Variants in UST observed in about 807,000 individuals in gnomAD.
UST encodes the protein uronyl 2-sulfotransferase.
UST carries 21 observed loss-of-function variants against 45.6 expected under a neutral mutation model. The observed-to-expected ratio is 0.46, with a 90% CI of 0.33 to 0.66. The LOEUF (loss-of-function observed/expected upper bound fraction) is 0.66. UST is among the 30% of genes least tolerant of loss of function. The pLI is 0.02. For missense variants in UST, 463 were observed against 512.4 expected (o/e 0.90, Z 0.93); for synonymous variants, 215 against 200.6 (o/e 1.07, Z -0.61).
intron 7 of UST, among the ~76,000 whole-genome samples, chr6:149,033,730 T>C (rs1776190069): frequency 6.6e-6 from 1 of 152,248 alleles, no homozygotes; most frequent in African/African-American, 2.4e-5. Context: ...ATGCTTCTGC[T>C]GCATTGTCAA....
Position 148,747,749 on chromosome 6 carries a change from G to A in UST, c.247+72G>A. On this transcript the variant is annotated intron_variant, in intron 1 of 7. Transcript: ENST00000367463. Reference sequence around the variant, plus strand: ...TGTGCGGCGGGGAGAGGGTCGCGGCGGGGACTTCTCGCGCTGCCACCGCGC... The same window carrying A: ...TGTGCGGCGGGGAGAGGGTCGCGGCAGGGACTTCTCGCGCTGCCACCGCGC... 2.0e-6 allele frequency: 3 copies of A among 1,464,738 alleles called. No individual in the cohort carries two copies. In the South Asian group the frequency reaches 4.2e-5, roughly 21 times the overall value. 90.7% of individuals were successfully genotyped at this position (1,464,738 alleles called of 1,614,324 possible). A position where few individuals can be genotyped will look rare whatever the true frequency, so the allele number is the denominator to read the frequency against.
chr6:148,973,186 T>C (rs1401714349), intron 5 of UST, among the ~76,000 whole-genome samples: 5 of 152,164 alleles, frequency 3.3e-5, no homozygotes, highest in Non-Finnish European at 7.3e-5. Flanking sequence ...TTTATGAATA[T>C]TCTATAAATG....
At chr6:148,917,910 G>T (rs7749087) in intron 2 of UST, among the ~76,000 whole-genome samples, 4,973 of 152,292 alleles carry the variant, frequency 0.033, 282 homozygotes, top group African/African-American at 0.11. Context: ...AGAAATGACC[G>T]AAGCAGCATT....
intron 1 of UST, among the ~76,000 whole-genome samples, chr6:148,881,672 T>A (rs1778824889): frequency 6.6e-6 from 1 of 152,128 alleles, no homozygotes; most frequent in Non-Finnish European, 1.5e-5. Context: ...CTCAAAGGCC[T>A]GGAGAGTTTG....
intron 1 of UST, among the ~76,000 whole-genome samples, chr6:148,821,341 A>T (rs965224114): frequency 6.6e-6 from 1 of 151,902 alleles, no homozygotes; most frequent in African/African-American, 2.4e-5. Flanking sequence ...GTAGTGTTGG[A>T]TGTTTCCTCA....
At chr6:148,991,902 A>G (rs1201512508) in intron 5 of UST, among the ~76,000 whole-genome samples, 1 of 152,226 alleles carries the variant, frequency 6.6e-6, no homozygotes, top group Non-Finnish European at 1.5e-5. Context: ...CAAACTTCCC[A>G]TACTTCTTCA....
chr6:148,972,010 G>A (rs1780927646), intron 5 of UST, among the ~76,000 whole-genome samples: 1 of 152,214 alleles, frequency 6.6e-6, no homozygotes, highest in Non-Finnish European at 1.5e-5. Context: ...GCAGCTCCAG[G>A]TGGGGTCAGG....
chr6:149,072,740 A>G (rs1292399172), intron 7 of UST, among the ~76,000 whole-genome samples: 1 of 152,186 alleles, frequency 6.6e-6, no homozygotes, highest in Non-Finnish European at 1.5e-5. Flanking sequence ...AAGCTAGACA[A>G]AAAAAGGACA....
chr6:148,889,551 C>G (rs1165346117), intron 2 of UST, among the ~76,000 whole-genome samples: 2 of 152,114 alleles, frequency 1.3e-5, no homozygotes, highest in Non-Finnish European at 1.5e-5. Context: ...AGCCCCCTGC[C>G]CTGTCATGAT....
chr6:148,885,681 A>T lies in UST; in HGVS notation c.248-1305A>T, dbSNP rs183988087. On this transcript the variant is annotated intron_variant, in intron 1 of 7. Coordinates refer to ENST00000367463, the MANE Select transcript of UST (RefSeq NM_005715.3). Reference sequence around the variant, plus strand: ...GATGACAAAGAAAAGGGGAAGGATGATGACTCAGTATGGAAAAACCTATAA... The same window carrying T: ...GATGACAAAGAAAAGGGGAAGGATGTTGACTCAGTATGGAAAAACCTATAA... Among the ~76,000 whole-genome samples the T allele has an allele frequency of 2.5e-3, 383 of 152,322 alleles. 2 individuals carry two copies. Among genetic ancestry groups the T allele is most frequent in the African/African-American group, 8.2e-3 (342 of 41,568 alleles).
intron 2 of UST, among the ~76,000 whole-genome samples, chr6:148,888,567 G>A (rs151255631): frequency 2.7e-3 from 412 of 152,298 alleles, no homozygotes; most frequent in Admixed American, 4.8e-3. Flanking sequence ...TAAAAATACC[G>A]CTTACAGCAC....
chr6:148,860,087 G>A (rs1204032644), intron 1 of UST, among the ~76,000 whole-genome samples: 1 of 152,204 alleles, frequency 6.6e-6, no homozygotes, highest in Admixed American at 6.5e-5. Flanking sequence ...ACCTTGGGCA[G>A]TATGGCCATT....
rs1781323964 is a variant in UST, at chr6:148,990,335, T to C, written c.681+25772T>C. 3.2e-6 allele frequency: 3 copies of C among 943,580 alleles called. No individual in the cohort carries two copies. In the South Asian group the frequency reaches 1.5e-4, roughly 46 times the overall value. 58.5% of individuals were successfully genotyped at this position (943,580 alleles called of 1,614,324 possible). On this transcript the variant is annotated intron_variant, in intron 5 of 7. Coordinates refer to ENST00000367463, the MANE Select transcript of UST (RefSeq NM_005715.3). ...AGTATTTGAAGACAAAGAATAAGATTTGATGCCATGAGATCTTTCTTTCTT... is the reference window on the plus strand; with the variant it reads ...AGTATTTGAAGACAAAGAATAAGATCTGATGCCATGAGATCTTTCTTTCTT...
chr6:148,747,426 A>G lies in UST; in HGVS notation c.-5A>G. The G allele has an allele frequency of 7.1e-6, 10 of 1,402,892 alleles. No individual in the cohort carries two copies. The highest frequency in any genetic ancestry group is 8.4e-6 in the Non-Finnish European group (9 of 1,075,124). The allele number at this position is 1,402,892 out of a possible 1,614,324, so 86.9% of individuals were successfully genotyped here. A position where few individuals can be genotyped will look rare whatever the true frequency, so the allele number is the denominator to read the frequency against. ...GGCAGGCTGTGGGAGGCAGCGGAGC[A>G]GGCGATGAAGAAGAAGCAGCAGCAT... On this transcript the variant is annotated 5_prime_UTR_variant, in exon 1 of 8. Coordinates refer to ENST00000367463, the MANE Select transcript of UST (RefSeq NM_005715.3).
chr6:148,817,819 G>A (rs980988396), intron 1 of UST, among the ~76,000 whole-genome samples: 3 of 152,110 alleles, frequency 2.0e-5, no homozygotes, highest in African/African-American at 7.2e-5. Flanking sequence ...CTTCCATCAC[G>A]GCCTGAACCA....
At chr6:149,006,226 T>C (rs1405333484) in intron 5 of UST, among the ~76,000 whole-genome samples, 1 of 152,120 alleles carries the variant, frequency 6.6e-6, no homozygotes, top group African/African-American at 2.4e-5. Context: ...GCTATTTATC[T>C]TGATGCTCTC....
At chr6:149,065,465 C>T (rs1776717864) in intron 7 of UST, among the ~76,000 whole-genome samples, 1 of 152,164 alleles carries the variant, frequency 6.6e-6, no homozygotes, top group Non-Finnish European at 1.5e-5. Context: ...GCTTATTATA[C>T]AAGACAAACC....
intron 7 of UST, among the ~76,000 whole-genome samples, chr6:149,044,076 G>C (rs1248657882): frequency 6.6e-6 from 1 of 152,162 alleles, no homozygotes; most frequent in Non-Finnish European, 1.5e-5. Context: ...TAAGTGACTA[G>C]GGTACATCAC....
chr6:148,803,924 G>A (rs904264483), intron 1 of UST, among the ~76,000 whole-genome samples: 23 of 152,198 alleles, frequency 1.5e-4, no homozygotes, highest in Non-Finnish European at 3.2e-4. Flanking sequence ...TCCCTGAGTT[G>A]CCTTGTGAAA....
Sources: allele counts gnomAD v4.1 joint callset (sites outside exome capture counted in the v4.1 genomes callset), GRCh38; gene constraint gnomAD v4.1.1; transcripts MANE v1.5; gene names NCBI Gene and HGNC (gene_info 2026-07-23, HGNC 2026-07-21).